MRPL37: variants seen among roughly 807,000 people sequenced by gnomAD.
MRPL37 encodes mitochondrial ribosomal protein L37.
Under a neutral mutation model 44.1 loss-of-function variants are expected in MRPL37, and 34 were observed. The observed-to-expected ratio is 0.77, with a 90% CI of 0.59 to 1.03. The LOEUF is 1.03. Ranked by LOEUF, MRPL37 falls within the 50% of genes least tolerant of loss-of-function variation. The pLI, the probability that MRPL37 is intolerant of heterozygous loss-of-function variation, is 0.00. For missense variants in MRPL37, 532 were observed against 543.7 expected (o/e 0.98, Z 0.21); for synonymous variants, 212 against 219.5 (o/e 0.97, Z 0.30).
rs1644211247 is a variant in MRPL37, at chr1:54,218,245, C to T, written c.1268C>T (p.Ala423Val). Reference protein sequence around the residue: ...KFLALYLHGAA With the variant: ...KFLALYLHGAV ...TTAGCTCTATATTTGCATGGTGCTG[C>T]GTGAGCGGAGGACCCCTCTGAATCC... The change falls in exon 7 of 7, where the codon GCG becomes GTG. Residue 423 changes from alanine (A) to valine (V), a missense_variant. Coordinates refer to ENST00000360840, the MANE Select transcript of MRPL37 (RefSeq NM_016491.4). 2.5e-6 allele frequency: 4 copies of T among 1,614,166 alleles called. No homozygotes were observed. Among genetic ancestry groups the T allele is most frequent in the East Asian group, 2.2e-5 (1 of 44,882 alleles).
In MRPL37 at chr1:54,212,534, A is replaced by G. The variant is rs780535700; in HGVS notation, c.866A>G (p.His289Arg). The change falls in exon 5 of 7, where the codon CAT becomes CGT. Residue 289 changes from histidine to arginine, a missense_variant. His to Arg is a conservative substitution (Grantham distance 29). Coordinates refer to ENST00000360840, the MANE Select transcript of MRPL37 (RefSeq NM_016491.4). The part of the protein sequence containing the change: ...FQEGYPYPYP[H>R]TLYLLDKANL... Reference sequence around the variant, plus strand: ...GAAGGCTATCCTTACCCCTATCCCCATACCCTGTACTTACTGGACAAAGCC... The same window carrying G: ...GAAGGCTATCCTTACCCCTATCCCCGTACCCTGTACTTACTGGACAAAGCC... The G allele has an allele frequency of 6.2e-7, 1 of 1,614,142 alleles. No homozygotes were observed. Among genetic ancestry groups the G allele is most frequent in the East Asian group, 2.2e-5 (1 of 44,884 alleles).
At chr1:54,219,067 A>G (rs1644216511), downstream of MRPL37, among the ~76,000 whole-genome samples, 1 of 152,194 alleles carries the variant, frequency 6.6e-6, no homozygotes, top group Non-Finnish European at 1.5e-5. Context: ...TGGAGAGCGA[A>G]GGCAGCAGCA....
intron 4 of MRPL37, 113 bp downstream of exon 4, chr1:54,210,244 A>C: frequency 9.9e-7 from 1 of 1,013,524 alleles, no homozygotes. Flanking sequence ...CGTGTGTATT[A>C]CCTATCTCCT....
At chr1:54,218,056 T>C in intron 6 of MRPL37, 116 bp from the exon 7 acceptor site, 1 of 944,784 alleles carries the variant, frequency 1.1e-6, no homozygotes, top group Non-Finnish European at 1.7e-6. Flanking sequence ...AGAGAGACGA[T>C]GTCAGAAAAA....
rs772228962 is a variant in MRPL37 at position 54,210,037 on chromosome 1, A to C, written c.738A>C (p.Glu246Asp). 3 of 1,614,168 alleles carry C rather than the reference A, an allele frequency of 1.9e-6. No homozygotes were observed. In the South Asian group the frequency reaches 3.3e-5, roughly 18 times the overall value. ...CCATCGCCTCCAGAGAGGAGATTGAAGCTACTAAGAATCATGTTCTAGAGA... is the reference window on the plus strand; with the variant it reads ...CCATCGCCTCCAGAGAGGAGATTGACGCTACTAAGAATCATGTTCTAGAGA... The part of the protein sequence containing the change: ...LPTIASREEI[E>D]ATKNHVLETF... Residue 246 changes from glutamate to aspartate, a missense_variant, in exon 4 of 7, where the codon GAA becomes GAC. Glu to Asp is a conservative substitution (Grantham distance 45, BLOSUM62 2). Transcript: ENST00000360840.
At chr1:54,212,365 C>T in intron 4 of MRPL37, 136 bp from the exon 5 acceptor site, 1 of 1,077,012 alleles carries the variant, frequency 9.3e-7, no homozygotes, top group East Asian at 2.4e-5. Context: ...AGCCCCCGAG[C>T]TATAGTGATA....
rs533435407 is a variant in MRPL37, at chr1:54,212,439, T to A, written c.833-62T>A. On this transcript the variant is annotated intron_variant, in intron 4 of 6. Coordinates refer to ENST00000360840, the MANE Select transcript of MRPL37 (RefSeq NM_016491.4). The stretch of plus-strand genomic sequence containing the variant: ...CTGGGCTAAGGCGAGGTGACTTTCC[T>A]GAGGCTTTGTGGCAGGCTGATGAAT... 4.5e-5 allele frequency: 71 copies of A among 1,585,326 alleles called. No homozygotes were observed. In the African/African-American group the frequency reaches 9.0e-4, roughly 20 times the overall value.
At chr1:54,205,251 G>T in intron 2 of MRPL37, 44 bp from the exon 3 acceptor site, 1 of 1,607,382 alleles carries the variant, frequency 6.2e-7, no homozygotes, top group South Asian at 1.1e-5. Context: ...TCTTCGAGTC[G>T]ACCTGTTGCT....
chr1:54,220,257 G>T (rs1346966859), downstream of MRPL37, among the ~76,000 whole-genome samples: 1 of 152,108 alleles, frequency 6.6e-6, no homozygotes, highest in South Asian at 2.1e-4. Flanking sequence ...AGCCCTGAGC[G>T]AGTGGGACGG....
chr1:54,223,129 A>C (rs1644246520), downstream of MRPL37, among the ~76,000 whole-genome samples: 1 of 152,192 alleles, frequency 6.6e-6, no homozygotes, highest in East Asian at 1.9e-4. Context: ...TCTGCCTTTC[A>C]GCACCCACCC....
chr1:54,211,104 CT>C (rs1644161712), intron 4 of MRPL37, among the ~76,000 whole-genome samples: 1 of 152,090 alleles, frequency 6.6e-6, no homozygotes, highest in Non-Finnish European at 1.5e-5. Flanking sequence ...CCATTCTTCC[CT>C]TTTGGTCTTC....
In MRPL37 at chr1:54,212,541, G is replaced by A. The variant is rs2100511779; in HGVS notation, c.873G>A (p.Leu291=). Residue 291 remains leucine, a synonymous_variant, in exon 5 of 7, where the codon CTG becomes CTA. Coordinates refer to ENST00000360840, the MANE Select transcript of MRPL37 (RefSeq NM_016491.4). The part of the protein sequence containing the change: ...EGYPYPYPHT[L]YLLDKANLRP... Reference sequence around the variant, plus strand: ...ATCCTTACCCCTATCCCCATACCCTGTACTTACTGGACAAAGCCAATTTAC... The same window carrying A: ...ATCCTTACCCCTATCCCCATACCCTATACTTACTGGACAAAGCCAATTTAC... 3 of 1,614,150 alleles carry A rather than the reference G, an allele frequency of 1.9e-6. No homozygotes were observed. Among genetic ancestry groups the A allele is most frequent in the Non-Finnish European group, 2.5e-6 (3 of 1,180,040 alleles).
At chr1:54,214,958 C>T (rs1644187780) in intron 5 of MRPL37, among the ~76,000 whole-genome samples, 1 of 152,200 alleles carries the variant, frequency 6.6e-6, no homozygotes. Context: ...GTGGCCCACA[C>T]TGAGGTCTGA....
chr1:54,223,134 C>T (rs145708450), downstream of MRPL37, among the ~76,000 whole-genome samples: 13 of 152,316 alleles, frequency 8.5e-5, no homozygotes, highest in African/African-American at 2.9e-4. Flanking sequence ...CTTTCAGCAC[C>T]CACCCTCGTT....
chr1:54,218,484 C>G, downstream of MRPL37: 1 of 1,015,082 alleles, frequency 9.9e-7, no homozygotes, highest in Non-Finnish European at 1.4e-6. Flanking sequence ...TGCCCTTGAC[C>G]CATGTTGTGA....
rs780386186 is a variant in MRPL37 at position 54,200,552 on chromosome 1, C to T, written c.309C>T (p.Ala103=). The T allele has an allele frequency of 3.1e-6, 5 of 1,605,950 alleles. No homozygotes were observed. In the South Asian group the frequency reaches 4.4e-5, roughly 14 times the overall value. Residue 103 remains alanine (A), a synonymous_variant, in exon 1 of 7, where the codon GCC becomes GCT. Transcript: ENST00000360840. ...LHEHPLYKDQ[A]CYIFHHRCRL... ...AGCATCCGCTGTACAAAGACCAGGC[C>T]TGCTATATCTTTCACCACCGTTGCC...
downstream of MRPL37, among the ~76,000 whole-genome samples, chr1:54,222,316 G>T (rs190049743): frequency 6.6e-6 from 1 of 152,158 alleles, no homozygotes; most frequent in Admixed American, 6.5e-5. Context: ...GTTCTGAAGG[G>T]CAAGTGGGAA....
downstream of MRPL37, among the ~76,000 whole-genome samples, chr1:54,224,581 A>C (rs1238639325): frequency 6.6e-6 from 1 of 152,196 alleles, no homozygotes; most frequent in East Asian, 1.9e-4. Flanking sequence ...GGAATTTGCT[A>C]TCTGGTCCCC....
downstream of MRPL37, among the ~76,000 whole-genome samples, chr1:54,224,055 C>T (rs1644256239): frequency 1.3e-5 from 2 of 152,228 alleles, no homozygotes; most frequent in South Asian, 4.1e-4. Context: ...CTGCCTTCCT[C>T]CAGCTAGGCA....
Sources: allele counts gnomAD v4.1 joint callset (sites outside exome capture counted in the v4.1 genomes callset), GRCh38; gene constraint gnomAD v4.1.1; transcripts MANE v1.5; gene names NCBI Gene and HGNC (gene_info 2026-07-23, HGNC 2026-07-21).